Variants in DCAF8L2 observed in about 807,000 individuals in gnomAD.
DCAF8L2 encodes DDB1 and CUL4 associated factor 8 like 2.
For missense variants in DCAF8L2, 430 were observed against 490.7 expected, an observed-to-expected ratio of 0.88 and a Z score of 1.17; for synonymous variants, 200 against 190.9, an observed-to-expected ratio of 1.05 and a Z score of -0.39.
the DCAF8L2 span, among the ~76,000 whole-genome samples, chrX:27,514,696 C>CAA: frequency 5.0e-5 from 2 of 39,964 alleles, no homozygotes; most frequent in East Asian, 9.1e-4. Context: ...AAAAAAAAAA[C>CAA]AAAAAAAAAA....
the DCAF8L2 span, chrX:27,519,398 A>G: frequency 2.7e-6 from 3 of 1,114,510 alleles, no homozygotes; most frequent in East Asian, 9.0e-5. Flanking sequence ...AAGAATCAGG[A>G]GCAGCTAGCA....
chrX:27,731,331 G>T (rs1431699113), intron 4 of DCAF8L2, among the ~76,000 whole-genome samples: 1 of 111,122 alleles, frequency 9.0e-6, no homozygotes. Flanking sequence ...ACCTGGAGAC[G>T]CGGAGGTTGC....
intron 2 of DCAF8L2, among the ~76,000 whole-genome samples, chrX:27,651,989 T>C (rs1487712347): frequency 1.8e-5 from 2 of 110,391 alleles, no homozygotes; most frequent in Non-Finnish European, 3.8e-5. Context: ...AGTCAACTTT[T>C]ACTACTCTAT....
chrX:27,747,818 T>G lies in DCAF8L2; in HGVS notation c.923T>G (p.Phe308Cys). The G allele has an allele frequency of 8.3e-7, 1 of 1,208,830 alleles. No individual in the cohort carries two copies. Among genetic ancestry groups the G allele is most frequent in the Non-Finnish European group, 1.1e-6 (1 of 893,784 alleles). The change falls in exon 5 of 5, where the codon TTC becomes TGC. Residue 308 changes from phenylalanine (F) to cysteine (C), a missense_variant. By Grantham distance (205) the Phe-to-Cys change is radical. Coordinates refer to ENST00000451261, the MANE Select transcript of DCAF8L2 (RefSeq NM_001353450.2). ...RVAELINASY[F>C]NNTKCVAQHR... Reference sequence around the variant, plus strand: ...GCAGAGTTAATTAATGCATCATATTTCAACAATACTAAGTGTGTGGCCCAG... The same window carrying G: ...GCAGAGTTAATTAATGCATCATATTGCAACAATACTAAGTGTGTGGCCCAG...
At chrX:27,609,496 C>G (rs1222996942) in intron 1 of DCAF8L2, among the ~76,000 whole-genome samples, 1 of 111,005 alleles carries the variant, frequency 9.0e-6, no homozygotes, top group Non-Finnish European at 1.9e-5. Context: ...TAGTATAAAA[C>G]AAACCACAAT....
chrX:27,480,860 T>C, the DCAF8L2 span, among the ~76,000 whole-genome samples: 5 of 111,909 alleles, frequency 4.5e-5, no homozygotes, highest in Non-Finnish European at 7.5e-5. Context: ...AGGAAGGCTT[T>C]TCTCGAAGAT....
chrX:27,645,616 G>A (rs1928909060), intron 2 of DCAF8L2, among the ~76,000 whole-genome samples: 1 of 111,823 alleles, frequency 8.9e-6, no homozygotes, highest in African/African-American at 3.3e-5. Flanking sequence ...AAGGAAGAGA[G>A]GAAATCAAAT....
chrX:27,475,658 G>A, the DCAF8L2 span, among the ~76,000 whole-genome samples: 1 of 111,247 alleles, frequency 9.0e-6, no homozygotes, highest in Non-Finnish European at 1.9e-5. Flanking sequence ...ACCATACTTG[G>A]AAAATAAAAT....
In DCAF8L2 at chrX:27,696,300, AAGAAAG is replaced by A. The variant is rs1360829299; in HGVS notation, c.-143+18390_-143+18395del. On this transcript the variant is annotated intron_variant, in intron 3 of 4. Coordinates refer to ENST00000451261, the MANE Select transcript of DCAF8L2 (RefSeq NM_001353450.2). ...AAAGAAAGAAAGAAAGAAAGAAAGA[AAGAAAG>A]AAAGAAAGAAAGAAAGAAAGAAAGA... Among the ~76,000 whole-genome samples, 3 of 87,491 alleles carry A rather than the reference AAGAAAG, an allele frequency of 3.4e-5. No homozygotes were observed. The Admixed American group carries it at 3.7e-4, about 11-fold the overall frequency. The allele number at this position is 87,491 out of a possible 115,157, so 76.0% of individuals were successfully genotyped here.
At chrX:27,696,470 A>T (rs1240201475) in intron 3 of DCAF8L2, among the ~76,000 whole-genome samples, 1 of 111,391 alleles carries the variant, frequency 9.0e-6, no homozygotes, top group Non-Finnish European at 1.9e-5. Flanking sequence ...ATAAAATGAA[A>T]TAAATGAGCA....
chrX:27,573,252 TCTCACA>T, the DCAF8L2 span, among the ~76,000 whole-genome samples: 25 of 88,523 alleles, frequency 2.8e-4, no homozygotes, highest in African/African-American at 1.1e-3. Flanking sequence ...TCTCTCTCTC[TCTCACA>T]CACACACACA....
intron 1 of DCAF8L2, among the ~76,000 whole-genome samples, chrX:27,590,991 T>TTATATA (rs10571931): frequency 0.022 from 1,469 of 68,023 alleles, 48 homozygotes; most frequent in African/African-American, 0.054. Context: ...CCTTTACATT[T>TTATATA]TATATATATA....
intron 1 of DCAF8L2, among the ~76,000 whole-genome samples, chrX:27,601,127 G>A (rs778322451): frequency 9.0e-6 from 1 of 110,705 alleles, no homozygotes; most frequent in Non-Finnish European, 1.9e-5. Flanking sequence ...TTGTAGGGTC[G>A]GGGTTTCACC....
intron 4 of DCAF8L2, among the ~76,000 whole-genome samples, chrX:27,728,909 C>T (rs1467344808): frequency 1.8e-5 from 2 of 111,450 alleles, no homozygotes; most frequent in Non-Finnish European, 3.8e-5. Flanking sequence ...TTTTATTTGT[C>T]TTCCTCACTC....
chrX:27,691,743 T>A (rs1169203102), intron 3 of DCAF8L2, among the ~76,000 whole-genome samples: 1 of 111,890 alleles, frequency 8.9e-6, no homozygotes, highest in Non-Finnish European at 1.9e-5. Context: ...AAAAATTGCA[T>A]ACCAGCAAGT....
intron 3 of DCAF8L2, among the ~76,000 whole-genome samples, chrX:27,713,806 A>G (rs931681227): frequency 9.0e-6 from 1 of 111,639 alleles, no homozygotes; most frequent in African/African-American, 3.3e-5. Flanking sequence ...TTGATTTACT[A>G]ACAGATGAAA....
rs766688164 is a variant in DCAF8L2 at position 27,746,622 on chromosome X, T to TGG, written c.-58-213_-58-212dup. ...TCACAGTGTAAGATGCCTGTCGGGG[T>TGG]GGGGCTCTGGGCCTGGAAAAACTAG... On this transcript the variant is annotated intron_variant, in intron 4 of 4. Transcript: ENST00000451261. Among the ~76,000 whole-genome samples, 3 of 111,378 alleles carry TGG rather than the reference T, an allele frequency of 2.7e-5. No homozygotes were observed. In the East Asian group the frequency reaches 8.5e-4, roughly 32 times the overall value.
intron 2 of DCAF8L2, among the ~76,000 whole-genome samples, chrX:27,660,538 C>G (rs1929521014): frequency 9.0e-6 from 1 of 111,635 alleles, no homozygotes; most frequent in Admixed American, 9.5e-5. Flanking sequence ...ACTGTGAATT[C>G]CTCAGTGGCT....
chrX:27,592,950 C>T (rs1926186840), intron 1 of DCAF8L2, among the ~76,000 whole-genome samples: 1 of 110,225 alleles, frequency 9.1e-6, no homozygotes. Flanking sequence ...AGGTGCCCGC[C>T]ACCACACCCA....
Sources: gnomAD v4.1 joint callset for allele counts (sites outside exome capture counted in the v4.1 genomes callset) on GRCh38, gnomAD v4.1.1 for gene constraint, MANE v1.5 for transcripts, NCBI Gene and HGNC (gene_info 2026-07-23, HGNC 2026-07-21) for gene names.